The following FARP2 variants were observed in gnomAD, a reference collection of about 807,000 sequenced individuals.
FARP2 encodes the protein FERM, ARH/RhoGEF and pleckstrin domain protein 2.
Under a neutral mutation model 130.5 loss-of-function variants are expected in FARP2, and 111 were observed. That is an observed-to-expected ratio of 0.85 (90% confidence interval 0.73 to 1.00). The LOEUF is 1.00. Among genes scored for constraint, FARP2 ranks in the 50% least tolerant of loss-of-function variants. The pLI is 0.00. For synonymous variants in FARP2, 504 were observed against 516.9 expected (o/e 0.98, Z 0.34); for missense variants, 1,385 against 1,346.3 (o/e 1.03, Z -0.45).
chr2:241,478,835 C>T (rs745976652), intron 19 of FARP2: 2 of 388,582 alleles, frequency 5.1e-6, no homozygotes, highest in African/African-American at 2.1e-5. Flanking sequence ...GAAGTTTGAA[C>T]AACTGGTCAG....
At chr2:241,415,138 A>G (rs1175364682) in intron 7 of FARP2, among the ~76,000 whole-genome samples, 1 of 152,138 alleles carries the variant, frequency 6.6e-6, no homozygotes, top group Non-Finnish European at 1.5e-5. Context: ...TTGTGTGTGT[A>G]AGTCGGTGCT....
chr2:241,386,588 G>T (rs1363011372), intron 2 of FARP2, among the ~76,000 whole-genome samples: 1 of 152,202 alleles, frequency 6.6e-6, no homozygotes, highest in African/African-American at 2.4e-5. Flanking sequence ...AGCCCCCTGG[G>T]CATGTGCAGC....
rs145231241 is a variant in FARP2 at position 241,463,391 on chromosome 2, G to C, written c.1734G>C (p.Leu578=). ...EDAMPATLMT[L]LFSNIDPIYE... Reference sequence around the variant, plus strand: ...CCATGCCTGCGACTCTGATGACGCTGCTCTTCTCCAACATCGATCCCATCT... The same window carrying C: ...CCATGCCTGCGACTCTGATGACGCTCCTCTTCTCCAACATCGATCCCATCT... Residue 578 remains leucine, a synonymous_variant, in exon 16 of 27, where the codon CTG becomes CTC. Coordinates refer to ENST00000264042, the MANE Select transcript of FARP2 (RefSeq NM_014808.4). 856 of 1,614,124 alleles carry C rather than the reference G, an allele frequency of 5.3e-4. 2 individuals are homozygous for C. Among genetic ancestry groups the C allele is most frequent in the Admixed American group, 2.2e-3 (135 of 60,024 alleles).
At chr2:241,444,504 G>A (rs993758578) in intron 13 of FARP2, 6 of 152,304 alleles carry the variant, frequency 3.9e-5, no homozygotes, top group Admixed American at 2.0e-4. Flanking sequence ...CCACCCTGGC[G>A]TCTGGACAGC....
At chr2:241,478,258 C>T (rs1371701025) in intron 19 of FARP2, 1 of 173,858 alleles carries the variant, frequency 5.8e-6, no homozygotes, top group African/African-American at 2.4e-5. Context: ...TATGATCCCA[C>T]CACTGCACTT....
At position 241,482,107 on chromosome 2, in the gene FARP2, G is replaced by A. The variant is rs1273101782; in HGVS notation, c.2263-1358G>A. 6.6e-6 allele frequency among the ~76,000 whole-genome samples: 1 copy of A among 152,234 alleles called. No individual in the cohort carries two copies. Among genetic ancestry groups the A allele is most frequent in the Non-Finnish European group, 1.5e-5 (1 of 68,048 alleles). ...AGCAGAGGATGTAATAGCAAGGATT[G>A]TTAACCAGGTATAAAGTTGATGAGG... On this transcript the variant is annotated intron_variant, in intron 19 of 26. Transcript: ENST00000264042. The surrounding 1 kb of genome is among the most constrained non-coding windows in gnomAD (Gnocchi z 4.6).
chr2:241,408,169 A>G (rs1191499522), intron 5 of FARP2, among the ~76,000 whole-genome samples: 2 of 152,170 alleles, frequency 1.3e-5, no homozygotes, highest in Non-Finnish European at 2.9e-5. Context: ...GGAGATCGAG[A>G]CCATCCTGGC....
chr2:241,450,822 C>T (rs917853649), intron 13 of FARP2, among the ~76,000 whole-genome samples: 1 of 152,050 alleles, frequency 6.6e-6, no homozygotes, highest in African/African-American at 2.4e-5. Context: ...CACAGTGGCA[C>T]ATGCCTGTAA....
In FARP2 at chr2:241,465,632, C is replaced by G. The variant is rs765324276; in HGVS notation, c.1893+1652C>G. The G allele has an allele frequency of 8.4e-6, 13 of 1,550,698 alleles. No individual in the cohort carries two copies. In the African/African-American group the frequency reaches 1.8e-4, roughly 21 times the overall value. The stretch of plus-strand genomic sequence containing the variant: ...GTGCATTGACTGTTCAGGGGTCTCA[C>G]TCTTGCTTAACGTGCCTGGAACAGT... On this transcript the variant is annotated intron_variant, in intron 17 of 26. Coordinates refer to ENST00000264042, the MANE Select transcript of FARP2 (RefSeq NM_014808.4).
At chr2:241,391,590 A>C (rs965355467) in intron 2 of FARP2, among the ~76,000 whole-genome samples, 3 of 152,182 alleles carry the variant, frequency 2.0e-5, no homozygotes, top group African/African-American at 7.2e-5. Flanking sequence ...ACTAGAAGGC[A>C]CAATTTTCTC....
At chr2:241,467,064 G>A (rs540892386) in intron 17 of FARP2, among the ~76,000 whole-genome samples, 6 of 152,048 alleles carry the variant, frequency 3.9e-5, no homozygotes, top group African/African-American at 1.4e-4. Flanking sequence ...AAACCAGCCT[G>A]GCCAACATAG....
intron 8 of FARP2, among the ~76,000 whole-genome samples, chr2:241,424,873 C>A (rs908176500): frequency 6.6e-6 from 1 of 152,124 alleles, no homozygotes. Flanking sequence ...TTCCTGGACA[C>A]ATACGCTCTC....
At chr2:241,399,984 A>G (rs1158353807) in intron 2 of FARP2, among the ~76,000 whole-genome samples, 1 of 150,970 alleles carries the variant, frequency 6.6e-6, no homozygotes. Context: ...AAATACCCAT[A>G]TAACTGTGAA....
intron 7 of FARP2, among the ~76,000 whole-genome samples, chr2:241,416,235 T>C (rs527901366): frequency 2.0e-5 from 3 of 152,212 alleles, no homozygotes; most frequent in South Asian, 4.2e-4. Flanking sequence ...TGTGTGTCCT[T>C]ACATGTGCAC....
chr2:241,487,032 C>T (rs937339907), intron 21 of FARP2, among the ~76,000 whole-genome samples: 4 of 152,206 alleles, frequency 2.6e-5, no homozygotes, highest in Admixed American at 2.6e-4. Flanking sequence ...CATGCTTTTC[C>T]TCTCAGGAAT....
intron 1 of FARP2, among the ~76,000 whole-genome samples, chr2:241,366,123 G>T (rs13021002): frequency 4.5e-5 from 4 of 88,000 alleles, no homozygotes; most frequent in South Asian, 7.9e-4. Context: ...ATATATATAC[G>T]TATATATATA....
intron 19 of FARP2, 140 bp from the exon 20 acceptor site, chr2:241,483,325 A>G: frequency 1.4e-6 from 1 of 697,966 alleles, no homozygotes. Context: ...CCCCATTGGG[A>G]GGCTCCACTA....
chr2:241,426,936 C>T lies in FARP2; in HGVS notation c.772-4743C>T, dbSNP rs111789799. Among the ~76,000 whole-genome samples, 21 of 152,094 alleles carry T rather than the reference C, an allele frequency of 1.4e-4. 1 individual carries two copies. The highest frequency in any genetic ancestry group is 3.4e-4 in the African/African-American group (14 of 41,498). Reference sequence around the variant, plus strand: ...CCCTCCATATCCGCAGGAAAATAAACGATAAAAAACAATACAGGCTGGGCG... The same window carrying T: ...CCCTCCATATCCGCAGGAAAATAAATGATAAAAAACAATACAGGCTGGGCG... On this transcript the variant is annotated intron_variant, in intron 8 of 26. Coordinates refer to ENST00000264042, the MANE Select transcript of FARP2 (RefSeq NM_014808.4).
rs200318565 is a variant in FARP2 at position 241,410,677 on chromosome 2, G to GC, written c.411-352dup. 1.6e-3 allele frequency among the ~76,000 whole-genome samples: 240 copies of GC among 152,142 alleles called. 5 individuals carry two copies. The East Asian group carries it at 0.043, about 27-fold the overall frequency. On this transcript the variant is annotated intron_variant, in intron 5 of 26. Coordinates refer to ENST00000264042, the MANE Select transcript of FARP2 (RefSeq NM_014808.4). ...ACTCCTGACCTCAGGTGATCCACCC[G>GC]CCCCAGCCTCCCAAAGTGCTGGGAT...
Sources: allele counts gnomAD v4.1 joint callset (sites outside exome capture counted in the v4.1 genomes callset), GRCh38; gene constraint gnomAD v4.1.1; non-coding constraint Gnocchi (gnomAD v3.1); transcripts MANE v1.5; gene names NCBI Gene and HGNC (gene_info 2026-07-23, HGNC 2026-07-21).